KIF2A: variants seen among roughly 807,000 people sequenced by gnomAD.
KIF2A encodes the protein kinesin-like protein KIF2A.
KIF2A carries 22 observed loss-of-function variants against 100.2 expected under a neutral mutation model. The observed-to-expected ratio is 0.22, with a 90% CI of 0.16 to 0.31. The LOEUF (loss-of-function observed/expected upper bound fraction) is 0.31. Ranked by LOEUF, KIF2A falls within the 10% of genes least tolerant of loss-of-function variation. The pLI is 1.00. For synonymous variants in KIF2A, 268 were observed against 285.9 expected (o/e 0.94, Z 0.63); for missense variants, 495 against 898.7 (o/e 0.55, Z 5.74).
Position 62,377,754 on chromosome 5 carries a change from G to T in KIF2A, c.2005G>T (p.Val669Leu). 1 of 1,512,492 alleles carries T rather than the reference G, an allele frequency of 6.6e-7. No homozygotes were observed. The allele number at this position is 1,512,492 out of a possible 1,614,324, so 93.7% of individuals were successfully genotyped here. The change falls in exon 19 of 21, where the codon GTG becomes TTG. Residue 669 changes from valine to leucine, a missense_variant. Coordinates refer to ENST00000407818, the MANE Select transcript of KIF2A (RefSeq NM_001098511.3). Reference protein sequence around the residue: ...EEQVVEDHRAVFQESIRWLED... With the variant: ...EEQVVEDHRALFQESIRWLED... ...ACAAGTTGTAGAAGATCACAGGGCA[G>T]TGTTCCAGGTAAAGTAAGACAGGAC... is the stretch of plus-strand genomic sequence containing the variant.
chr5:62,381,312 G>A, intron 20 of KIF2A, 59 bp downstream of exon 20: 2 of 1,407,924 alleles, frequency 1.4e-6, no homozygotes, highest in East Asian at 4.6e-5. Flanking sequence ...GTATATTGGT[G>A]AGAGGGCTTC....
Position 62,355,180 on chromosome 5 carries a change from A to C in KIF2A, c.580A>C (p.Asn194His), listed in dbSNP as rs2111932651. 6.3e-7 allele frequency: 1 copy of C among 1,585,470 alleles called. No homozygotes were observed. Residue 194 changes from asparagine (N) to histidine (H), a missense_variant, in exon 7 of 21, where the codon AAT becomes CAT. This residue lies in a region of KIF2A where 109 missense variants were observed against 244.2 expected (regional missense o/e 0.45). Coordinates refer to ENST00000407818, the MANE Select transcript of KIF2A (RefSeq NM_001098511.3). ...RAQDVDATNPNYEIMCMIRDF... is the reference protein window; with the variant it reads ...RAQDVDATNPHYEIMCMIRDF... ...ATAGGACGTTGATGCTACAAACCCA[A>C]ATTATGAAATTATGTGTATGATCAG...
intron 9 of KIF2A, among the ~76,000 whole-genome samples, chr5:62,358,807 A>T (rs866304967): frequency 2.0e-5 from 3 of 152,194 alleles, no homozygotes; most frequent in Middle Eastern, 6.8e-3. Flanking sequence ...AGTAGCTGGG[A>T]CCACAGGCAT....
At chr5:62,382,723 T>G (rs567219113) in intron 20 of KIF2A, among the ~76,000 whole-genome samples, 42 of 147,330 alleles carry the variant, frequency 2.9e-4, no homozygotes, top group African/African-American at 1.0e-3. Flanking sequence ...AACCTCTACC[T>G]CCCAGGTTCA....
rs751850670 is a variant in KIF2A, at chr5:62,347,178, G to A, written c.113G>A (p.Ser38Asn). Reference protein sequence around the residue: ...MVTSLNEDNESVTVEWIENGD... With the variant: ...MVTSLNEDNENVTVEWIENGD... Reference sequence around the variant, plus strand: ...ACATCTTTAAATGAAGATAATGAAAGTGTAACTGTTGAATGGATAGAAAAT... The same window carrying A: ...ACATCTTTAAATGAAGATAATGAAAATGTAACTGTTGAATGGATAGAAAAT... Residue 38 changes from serine (S) to asparagine (N), a missense_variant, in exon 2 of 21, where the codon AGT (serine) becomes AAT (asparagine). Coordinates refer to ENST00000407818, the MANE Select transcript of KIF2A (RefSeq NM_001098511.3). 1.2e-6 allele frequency: 2 copies of A among 1,603,820 alleles called. No individual in the cohort carries two copies. The highest frequency in any genetic ancestry group is 1.3e-5 in the African/African-American group (1 of 74,846).
chr5:62,322,898 C>A (rs1205863396), intron 1 of KIF2A, among the ~76,000 whole-genome samples: 5 of 97,458 alleles, frequency 5.1e-5, no homozygotes, highest in Admixed American at 1.3e-4. Context: ...TTTAATGTTA[C>A]TTTAAAATAG....
intron 1 of KIF2A, among the ~76,000 whole-genome samples, chr5:62,344,241 G>T (rs1012821209): frequency 6.6e-6 from 1 of 152,040 alleles, no homozygotes; most frequent in Non-Finnish European, 1.5e-5. Flanking sequence ...CTACTCAGGA[G>T]GCTGAGGCAG....
At chr5:62,308,459 A>T (rs371095975) in intron 1 of KIF2A, 1 of 899,412 alleles carries the variant, frequency 1.1e-6, no homozygotes, top group South Asian at 1.4e-5. Context: ...CGTTCATTGC[A>T]GCATTATTCA....
rs781246454 is a variant in KIF2A, at chr5:62,352,560, A to G, written c.335-28A>G. 26 of 1,497,304 alleles carry G rather than the reference A, an allele frequency of 1.7e-5. 1 individual carries two copies. In the East Asian group the frequency reaches 5.3e-4, roughly 31 times the overall value. The allele number at this position is 1,497,304 out of a possible 1,614,324, so 92.8% of individuals were successfully genotyped here. ...AGCTTTTACTAATTTTCTATCCTGA[A>G]TTTAAAATTTTTTTTTTTTACTTAC... On this transcript the variant is annotated intron_variant, in intron 4 of 20. Coordinates refer to ENST00000407818, the MANE Select transcript of KIF2A (RefSeq NM_001098511.3).
chr5:62,379,964 T>C (rs1411814611), intron 19 of KIF2A, among the ~76,000 whole-genome samples: 2 of 152,194 alleles, frequency 1.3e-5, no homozygotes, highest in Non-Finnish European at 2.9e-5. Flanking sequence ...CGATCTCGGC[T>C]CACTATAACC....
At chr5:62,361,209 G>A (rs1182096875) in intron 9 of KIF2A, 33 bp from the exon 10 acceptor site, 2 of 1,166,690 alleles carry the variant, frequency 1.7e-6, no homozygotes, top group East Asian at 2.5e-5. Flanking sequence ...AAATATTGGT[G>A]ACACATTCTG....
intron 1 of KIF2A, among the ~76,000 whole-genome samples, chr5:62,332,912 A>T (rs1365641825): frequency 2.6e-5 from 4 of 152,232 alleles, no homozygotes. Context: ...TCTCAGCAGT[A>T]AGCAAAACAG....
At chr5:62,370,376 C>T (rs1741267636) in intron 16 of KIF2A, among the ~76,000 whole-genome samples, 1 of 152,092 alleles carries the variant, frequency 6.6e-6, no homozygotes, top group Non-Finnish European at 1.5e-5. Context: ...TCACTGCAGC[C>T]TCTGACTCCG....
chr5:62,310,851 T>C (rs2111768548), intron 1 of KIF2A, among the ~76,000 whole-genome samples: 1 of 152,286 alleles, frequency 6.6e-6, no homozygotes, highest in East Asian at 1.9e-4. Flanking sequence ...CTTTCTGTCG[T>C]GTAGCTAGTT....
In KIF2A at chr5:62,389,485, C is replaced by CAAAAAAAAAAAAAAAAAAAAAA. The variant is rs775533413; in HGVS notation, c.*3932_*3933insAAAAAAAAAAAAAAAAAAAAAA. 2.6e-4 allele frequency among the ~76,000 whole-genome samples: 20 copies of CAAAAAAAAAAAAAAAAAAAAAA among 75,890 alleles called. No individual in the cohort carries two copies. The highest frequency in any genetic ancestry group is 9.7e-4 in the African/African-American group (17 of 17,536). The allele number at this position is 75,890 out of a possible 152,430, so 49.8% of individuals were successfully genotyped here. ...TGGGTGACAGAGCAAGACTCTGTCT[C>CAAAAAAAAAAAAAAAAAAAAAA]AAAAAAAAAAAAAAAAGAAATGTTA... On this transcript the variant is annotated 3_prime_UTR_variant, in exon 21 of 21. Transcript: ENST00000407818.
At chr5:62,380,259 G>A (rs1475023391) in intron 19 of KIF2A, among the ~76,000 whole-genome samples, 2 of 152,152 alleles carry the variant, frequency 1.3e-5, no homozygotes, top group African/African-American at 4.8e-5. Flanking sequence ...AGTTTGTCAG[G>A]TTCTAGGCTA....
chr5:62,379,126 G>C (rs770877538), intron 19 of KIF2A, among the ~76,000 whole-genome samples: 1 of 151,954 alleles, frequency 6.6e-6, no homozygotes, highest in Non-Finnish European at 1.5e-5. Flanking sequence ...AAAACAAAAA[G>C]AAAAGTGTCA....
At chr5:62,361,138 CTAT>C in intron 9 of KIF2A, 101 bp from the exon 10 acceptor site, 2 of 503,728 alleles carry the variant, frequency 4.0e-6, no homozygotes. Context: ...TAGAATCTTG[CTAT>C]TAAGTTTTAT....
At position 62,337,041 on chromosome 5, in the gene KIF2A, ATAAT is replaced by A. The variant is rs377029076; in HGVS notation, c.65-10086_65-10083del. ...TATGAAAACAATAAAAACTAATACTATAATTATTAAGGAAATTGGATCTTCTTAT... is the reference window on the plus strand; with the variant it reads ...TATGAAAACAATAAAAACTAATACTATATTAAGGAAATTGGATCTTCTTAT... On this transcript the variant is annotated intron_variant, in intron 1 of 20. Coordinates refer to ENST00000407818, the MANE Select transcript of KIF2A (RefSeq NM_001098511.3). 6.7e-3 allele frequency among the ~76,000 whole-genome samples: 1,002 copies of A among 149,898 alleles called. 19 individuals are homozygous for A. Among genetic ancestry groups the A allele is most frequent in the African/African-American group, 0.023 (958 of 40,794 alleles).
Sources: gnomAD v4.1 joint callset for allele counts (sites outside exome capture counted in the v4.1 genomes callset) on GRCh38, gnomAD v4.1.1 for gene constraint, gnomAD v4.1.1 regional missense constraint, MANE v1.5 for transcripts, NCBI Gene and HGNC (gene_info 2026-07-23, HGNC 2026-07-21) for gene names.